LRP1: variants seen among roughly 807,000 people sequenced by gnomAD.
LRP1 encodes the protein prolow-density lipoprotein receptor-related protein 1.
LRP1 carries 51 observed loss-of-function variants against 541.5 expected under a neutral mutation model. That is an observed-to-expected ratio of 0.09 (90% confidence interval 0.08 to 0.12). LRP1 has a LOEUF of 0.12. LRP1 is among the 10% of genes least tolerant of loss of function. The pLI is 1.00. For missense variants in LRP1, 3,878 were observed against 6,376.2 expected (o/e 0.61, Z 13.34); for synonymous variants, 2,219 against 2,470.8 (o/e 0.90, Z 3.02).
rs137907468 is a variant in LRP1, at chr12:57,208,152, C to T, written c.11974C>T (p.Arg3992Cys). The T allele has an allele frequency of 9.3e-6, 15 of 1,614,046 alleles. No individual in the cohort carries two copies. The highest frequency in any genetic ancestry group is 2.7e-5 in the African/African-American group (2 of 74,940). ...IEVAQMKGEN[R>C]KTLISGMIDE... ...GGTGGCGCAGATGAAGGGCGAGAAC[C>T]GCAAGACGCTCATCTCGGGCATGAT... The change falls in exon 77 of 89, where the codon CGC becomes TGC. Residue 3992 changes from arginine to cysteine, a missense_variant. By Grantham distance (180) the Arg-to-Cys change is radical (BLOSUM62 -3). Transcript: ENST00000243077.
chr12:57,136,067 G>A (rs2136652527), intron 1 of LRP1, among the ~76,000 whole-genome samples: 1 of 152,344 alleles, frequency 6.6e-6, no homozygotes, highest in Non-Finnish European at 1.5e-5. Context: ...TTCCCCCTCA[G>A]CCGGCCACGG....
chr12:57,190,919 G>C lies in LRP1; in HGVS notation c.7146G>C (p.Leu2382=). ...AGGACATCCGTACCCCCAATGGCCT[G>C]GCCATCGACCACCGTGCCGAGAAGC... ...IEKDIRTPNG[L]AIDHRAEKLY... Residue 2382 remains leucine, a synonymous_variant, in exon 43 of 89, where the codon CTG becomes CTC. Transcript: ENST00000243077. 6.2e-7 allele frequency: 1 copy of C among 1,613,550 alleles called. No individual in the cohort carries two copies. The highest frequency in any genetic ancestry group is 8.5e-7 in the Non-Finnish European group (1 of 1,179,994).
Position 57,154,575 on chromosome 12 carries a change from G to A in LRP1, c.1101G>A (p.Val367=). 1 of 1,614,042 alleles carries A rather than the reference G, an allele frequency of 6.2e-7. No individual in the cohort carries two copies. Among genetic ancestry groups the A allele is most frequent in the Non-Finnish European group, 8.5e-7 (1 of 1,179,950 alleles). The change falls in exon 8 of 89, where the codon GTG becomes GTA. Residue 367 remains valine, a synonymous_variant. Coordinates refer to ENST00000243077, the MANE Select transcript of LRP1 (RefSeq NM_002332.3). This position sits in a 1 kb window ranked among gnomAD's most constrained non-coding sequence, Gnocchi z 4.6. ...NRTKLVDSKI[V]FPHGITLDLV... The stretch of plus-strand genomic sequence containing the variant: ...CCAAGCTCGTCGACAGCAAGATTGT[G>A]TTTCCTCATGGCATCACGCTGGACC...
At position 57,206,453 on chromosome 12, in the gene LRP1, C is replaced by G; in HGVS notation, c.11591-20C>G. ...ACACCTGCATCCCACAGCCCCAGCC[C>G]TGGCCTCTTGCTTCTCCAGGCTCTG... On this transcript the variant is annotated intron_variant, in intron 75 of 88. Coordinates refer to ENST00000243077, the MANE Select transcript of LRP1 (RefSeq NM_002332.3). This position sits in a 1 kb window ranked among gnomAD's most constrained non-coding sequence, Gnocchi z 4.7. 1 of 1,612,852 alleles carries G rather than the reference C, an allele frequency of 6.2e-7. No homozygotes were observed. Among genetic ancestry groups the G allele is most frequent in the Non-Finnish European group, 8.5e-7 (1 of 1,179,400 alleles).
At position 57,202,531 on chromosome 12, in the gene LRP1, A is replaced by C. The variant is rs769614036; in HGVS notation, c.10705A>C (p.Ser3569Arg). 21 of 1,600,834 alleles carry C rather than the reference A, an allele frequency of 1.3e-5. No individual in the cohort carries two copies. The highest frequency in any genetic ancestry group is 1.8e-5 in the Non-Finnish European group (21 of 1,174,068). ...NDCGDNSDEE[S>R]CTPRPCSESE... is the part of the protein sequence containing the mutation. ...TTGCGGTGACAACTCCGATGAAGAGAGCTGCAGTACGTCCCCACCCACCCA... is the reference window on the plus strand; with the variant it reads ...TTGCGGTGACAACTCCGATGAAGAGCGCTGCAGTACGTCCCCACCCACCCA... The change falls in exon 68 of 89, where the codon AGC becomes CGC. Residue 3569 changes from serine (S) to arginine (R), a missense_variant. Physicochemically the swap from Ser to Arg is moderately radical, Grantham distance 110 (BLOSUM62 -1). Coordinates refer to ENST00000243077, the MANE Select transcript of LRP1 (RefSeq NM_002332.3).
chr12:57,167,334 G>A (rs530960334), intron 18 of LRP1, 110 bp from the exon 19 acceptor site: 2 of 827,622 alleles, frequency 2.4e-6, no homozygotes, highest in East Asian at 2.4e-5. Flanking sequence ...CACCCTTCCT[G>A]ACTGGGCTAA....
Position 57,211,829 on chromosome 12 carries a change from T to A in LRP1, c.13258+15T>A, listed in dbSNP as rs773985011. The A allele has an allele frequency of 1.9e-6, 3 of 1,612,610 alleles. No individual in the cohort carries two copies. In the Admixed American group the frequency reaches 5.0e-5, roughly 27 times the overall value. ...GCAGCCAGGACGTAGGTGGCAGGGG[T>A]TGGGGCAGGCAGGGCCACCGGGACC... On this transcript the variant is annotated intron_variant, in intron 86 of 88. Coordinates refer to ENST00000243077, the MANE Select transcript of LRP1 (RefSeq NM_002332.3). The surrounding 1 kb of genome is among the most constrained non-coding windows in gnomAD (Gnocchi z 4.3).
At chr12:57,134,057 A>C (rs972865934) in intron 1 of LRP1, among the ~76,000 whole-genome samples, 7 of 148,936 alleles carry the variant, frequency 4.7e-5, no homozygotes, top group Non-Finnish European at 8.9e-5. Flanking sequence ...CTGGACGCAC[A>C]CCCAACTCTA....
At chr12:57,182,041 G>A (rs1180328393) in intron 34 of LRP1, among the ~76,000 whole-genome samples, 1 of 152,160 alleles carries the variant, frequency 6.6e-6, no homozygotes, top group Non-Finnish European at 1.5e-5. Flanking sequence ...ATGTTTATGT[G>A]TGCCAAGAAT....
At chr12:57,193,526 G>T (rs1184620427) in intron 46 of LRP1, 40 bp from the exon 47 acceptor site, 5 of 1,604,246 alleles carry the variant, frequency 3.1e-6, no homozygotes, top group Non-Finnish European at 4.3e-6. Flanking sequence ...CCCTTTCCCT[G>T]TGCCTGTGGC....
intron 2 of LRP1, among the ~76,000 whole-genome samples, chr12:57,140,430 C>G (rs1284899425): frequency 1.3e-5 from 2 of 152,192 alleles, no homozygotes; most frequent in Non-Finnish European, 2.9e-5. Flanking sequence ...TCCAATGGAT[C>G]CAAAATATTA....
chr12:57,164,968 TA>T, intron 15 of LRP1: 1 of 152,260 alleles, frequency 6.6e-6, no homozygotes, highest in Non-Finnish European at 1.5e-5. Context: ...AGCCAGGAGC[TA>T]AAAACCCTTA....
At chr12:57,208,436 C>T in intron 77 of LRP1, 1 of 608,798 alleles carries the variant, frequency 1.6e-6, no homozygotes, top group South Asian at 2.0e-5. Flanking sequence ...GGGATCTGAC[C>T]TCTGCTTGGC....
At chr12:57,146,242 A>T (rs2035404216) in intron 6 of LRP1, among the ~76,000 whole-genome samples, 1 of 152,200 alleles carries the variant, frequency 6.6e-6, no homozygotes, top group Non-Finnish European at 1.5e-5. Flanking sequence ...ATCTGGCAGC[A>T]TCACATTTCC....
chr12:57,132,614 T>G (rs1054994660), intron 1 of LRP1, among the ~76,000 whole-genome samples: 7 of 152,034 alleles, frequency 4.6e-5, no homozygotes, highest in African/African-American at 7.3e-5. Flanking sequence ...TTTCTGGCTG[T>G]CTGTCTGTCT....
In LRP1 at chr12:57,206,855, C is replaced by T; in HGVS notation, c.11859+114C>T. On this transcript the variant is annotated intron_variant, in intron 76 of 88. Coordinates refer to ENST00000243077, the MANE Select transcript of LRP1 (RefSeq NM_002332.3). The surrounding 1 kb of genome is among the most constrained non-coding windows in gnomAD (Gnocchi z 4.7). ...GGCGCAGTGGCTCACGCCTATAATCCCAGCACTTTGGGAGGCCAAGGCGGG... is the reference window on the plus strand; with the variant it reads ...GGCGCAGTGGCTCACGCCTATAATCTCAGCACTTTGGGAGGCCAAGGCGGG... The T allele has an allele frequency of 7.9e-7, 1 of 1,271,124 alleles. No individual in the cohort carries two copies. Among genetic ancestry groups the T allele is most frequent in the Non-Finnish European group, 1.1e-6 (1 of 923,504 alleles). The allele number at this position is 1,271,124 out of a possible 1,614,324, so 78.7% of individuals were successfully genotyped here.
At position 57,183,554 on chromosome 12, in the gene LRP1, C is replaced by T. The variant is rs767344260; in HGVS notation, c.5794+44C>T. ...GAGGGAGTTGGGCGTGGCGTAGGAG[C>T]TTTAGGGGTGGTGTGGTGTGCCCTG... On this transcript the variant is annotated intron_variant, in intron 35 of 88. Coordinates refer to ENST00000243077, the MANE Select transcript of LRP1 (RefSeq NM_002332.3). This position sits in a 1 kb window ranked among gnomAD's most constrained non-coding sequence, Gnocchi z 6.1. The T allele has an allele frequency of 6.3e-7, 1 of 1,590,454 alleles. No individual in the cohort carries two copies. Among genetic ancestry groups the T allele is most frequent in the Admixed American group, 1.7e-5 (1 of 57,448 alleles).
rs114333326 is a variant in LRP1 at position 57,189,055 on chromosome 12, G to A, written c.7031+1599G>A. Among the ~76,000 whole-genome samples the A allele has an allele frequency of 6.9e-3, 1,052 of 152,282 alleles. 8 individuals are homozygous for A. Among genetic ancestry groups the A allele is most frequent in the African/African-American group, 0.024 (1,004 of 41,554 alleles). On this transcript the variant is annotated intron_variant, in intron 42 of 88. Transcript: ENST00000243077. The surrounding 1 kb of genome is among the most constrained non-coding windows in gnomAD (Gnocchi z 4.4). ...CCCAGCCTCCTCCTGAGCCCTCCCC[G>A]CGTCAGCACTGGAGCACTGATGGCC...
In LRP1 at chr12:57,204,562, A is replaced by T; in HGVS notation, c.11071+33A>T. The T allele has an allele frequency of 6.2e-7, 1 of 1,607,586 alleles. No homozygotes were observed. The highest frequency in any genetic ancestry group is 1.1e-5 in the South Asian group (1 of 90,774). ...TTGGGGCGGGGCTCCCAGGCTTCCC[A>T]GTGGCCAGCAACCACCCCCACTCCC... On this transcript the variant is annotated intron_variant, in intron 71 of 88. Coordinates refer to ENST00000243077, the MANE Select transcript of LRP1 (RefSeq NM_002332.3). This position sits in a 1 kb window ranked among gnomAD's most constrained non-coding sequence, Gnocchi z 5.3.
Sources: gnomAD v4.1 joint callset for allele counts (sites outside exome capture counted in the v4.1 genomes callset) on GRCh38, gnomAD v4.1.1 for gene constraint, Gnocchi (gnomAD v3.1) non-coding constraint, MANE v1.5 for transcripts, NCBI Gene and HGNC (gene_info 2026-07-23, HGNC 2026-07-21) for gene names.